Variants in SEMA5A observed in about 807,000 individuals in gnomAD.
The protein encoded by SEMA5A is semaphorin 5A, also known as semaphorin-5A.
SEMA5A carries 55 observed loss-of-function variants against 135.5 expected under a neutral mutation model. That is an observed-to-expected ratio of 0.41 (90% CI 0.33 to 0.51). The LOEUF is 0.51. Among genes scored for constraint, SEMA5A ranks in the 20% least tolerant of loss-of-function variants. SEMA5A has a pLI of 0.37. For missense variants in SEMA5A, 1,290 were observed against 1,419.9 expected (o/e 0.91, Z 1.47); for synonymous variants, 580 against 546.5 (o/e 1.06, Z -0.85).
At chr5:9,293,149 T>C (rs1751170235) in intron 5 of SEMA5A, among the ~76,000 whole-genome samples, 1 of 152,156 alleles carries the variant, frequency 6.6e-6, no homozygotes, top group Non-Finnish European at 1.5e-5. Context: ...CCATAAATCT[T>C]ATCTTGTCAA....
Position 9,272,556 on chromosome 5 carries a change from A to T in SEMA5A, c.271-34666T>A, listed in dbSNP as rs563865521. The stretch of plus-strand genomic sequence containing the variant: ...TTAAGTGGGTCCCTGATCCCGGTGT[A>T]TCGTGAATGTGAGACACCTCCCAGT... On this transcript the variant is annotated intron_variant, in intron 5 of 22. Coordinates refer to ENST00000382496, the MANE Select transcript of SEMA5A (RefSeq NM_003966.3). 2.0e-5 allele frequency among the ~76,000 whole-genome samples: 3 copies of T among 152,070 alleles called. No homozygotes were observed. In the South Asian group the frequency reaches 6.2e-4, roughly 32 times the overall value.
At chr5:9,355,779 A>C (rs1475891215) in intron 3 of SEMA5A, among the ~76,000 whole-genome samples, 2 of 152,008 alleles carry the variant, frequency 1.3e-5, no homozygotes, top group Non-Finnish European at 2.9e-5. Context: ...GAAAATGGCC[A>C]CTCATTACTG....
At chr5:9,229,912 C>G (rs1395352800) in intron 6 of SEMA5A, among the ~76,000 whole-genome samples, 1 of 152,140 alleles carries the variant, frequency 6.6e-6, no homozygotes, top group Non-Finnish European at 1.5e-5. Flanking sequence ...ACCAAGATAT[C>G]AAATATGGTG....
intron 5 of SEMA5A, among the ~76,000 whole-genome samples, chr5:9,273,492 C>T (rs968058052): frequency 1.4e-4 from 22 of 151,998 alleles, no homozygotes; most frequent in African/African-American, 4.8e-4. Context: ...CAGAGAACAC[C>T]ACAAAGATAC....
intron 6 of SEMA5A, among the ~76,000 whole-genome samples, chr5:9,233,798 T>A (rs562453141): frequency 1.1e-3 from 167 of 152,254 alleles, no homozygotes; most frequent in African/African-American, 3.9e-3. Flanking sequence ...GAACAGCAAG[T>A]GGGCACAGGC....
At chr5:9,273,781 G>C (rs926889213) in intron 5 of SEMA5A, among the ~76,000 whole-genome samples, 1 of 152,042 alleles carries the variant, frequency 6.6e-6, no homozygotes, top group Non-Finnish European at 1.5e-5. Context: ...TTACAGACAA[G>C]CAAATGCTGA....
At chr5:9,320,415 A>C (rs1483092285) in intron 4 of SEMA5A, among the ~76,000 whole-genome samples, 2 of 152,190 alleles carry the variant, frequency 1.3e-5, no homozygotes, top group African/African-American at 4.8e-5. Context: ...CTAGGACTCC[A>C]ACAGAAATGT....
intron 9 of SEMA5A, 124 bp downstream of exon 9, chr5:9,201,831 G>C: frequency 2.2e-6 from 2 of 919,204 alleles, no homozygotes; most frequent in African/African-American, 1.7e-5. Flanking sequence ...TTTTTTGTCT[G>C]TTAGCCCAGT....
intron 11 of SEMA5A, among the ~76,000 whole-genome samples, chr5:9,186,523 G>A (rs1213399454): frequency 2.0e-5 from 3 of 152,134 alleles, no homozygotes; most frequent in African/African-American, 7.2e-5. Context: ...CTGCAAGTAA[G>A]GTAGGAAGGA....
chr5:9,144,772 T>C (rs1742243070), intron 12 of SEMA5A, among the ~76,000 whole-genome samples: 1 of 152,192 alleles, frequency 6.6e-6, no homozygotes, highest in Non-Finnish European at 1.5e-5. Flanking sequence ...GATGAGGCCA[T>C]GCTGACATCA....
At chr5:9,063,875 A>G (rs949919443) in intron 17 of SEMA5A, among the ~76,000 whole-genome samples, 3 of 152,190 alleles carry the variant, frequency 2.0e-5, no homozygotes, top group African/African-American at 7.2e-5. Flanking sequence ...GAGCACTTTC[A>G]CTTGTTAAGT....
chr5:9,211,083 AG>A (rs1324170270), intron 8 of SEMA5A, among the ~76,000 whole-genome samples: 1 of 152,210 alleles, frequency 6.6e-6, no homozygotes, highest in Non-Finnish European at 1.5e-5. Flanking sequence ...ATATTAGAAA[AG>A]GGCATCTCAT....
intron 8 of SEMA5A, among the ~76,000 whole-genome samples, chr5:9,214,900 T>C (rs548487865): frequency 3.9e-5 from 6 of 152,202 alleles, no homozygotes; most frequent in Admixed American, 6.5e-5. Context: ...AGTTTTAGCA[T>C]TGTTCAACTC....
intron 8 of SEMA5A, among the ~76,000 whole-genome samples, chr5:9,213,252 C>G (rs1240795344): frequency 1.3e-5 from 2 of 152,232 alleles, no homozygotes; most frequent in African/African-American, 4.8e-5. Flanking sequence ...CACCATTTAA[C>G]TCATTAATTA....
intron 5 of SEMA5A, among the ~76,000 whole-genome samples, chr5:9,297,434 A>G (rs961187580): frequency 1.3e-5 from 2 of 152,202 alleles, no homozygotes; most frequent in Non-Finnish European, 2.9e-5. Flanking sequence ...AAAAGGAATC[A>G]GAGAACTCAG....
chr5:9,386,127 T>C (rs926718239), intron 2 of SEMA5A, among the ~76,000 whole-genome samples: 1 of 152,180 alleles, frequency 6.6e-6, no homozygotes, highest in Non-Finnish European at 1.5e-5. Flanking sequence ...TGTTTGTTTT[T>C]GCATTTGTTC....
rs559333377 is a variant in SEMA5A at position 9,533,515 on chromosome 5, A to T, written c.-175+12069T>A. Among the ~76,000 whole-genome samples, 76 of 152,364 alleles carry T rather than the reference A, an allele frequency of 5.0e-4. 1 individual carries two copies. The highest frequency in any genetic ancestry group is 1.8e-3 in the African/African-American group (75 of 41,582). ...TATAAAATATTCATCTAAAATATTC[A>T]GTATGAAACAATTGATACTATTTTC... On this transcript the variant is annotated intron_variant, in intron 1 of 22. Transcript: ENST00000382496.
chr5:9,381,244 C>T (rs1466562553), intron 2 of SEMA5A, among the ~76,000 whole-genome samples: 5 of 152,100 alleles, frequency 3.3e-5, no homozygotes, highest in Non-Finnish European at 5.9e-5. Flanking sequence ...CAGTTTGAAG[C>T]CATTACAATT....
intron 5 of SEMA5A, among the ~76,000 whole-genome samples, chr5:9,293,969 T>C (rs866555979): frequency 5.9e-5 from 9 of 152,208 alleles, no homozygotes; most frequent in Middle Eastern, 3.2e-3. Context: ...GTCCATACAG[T>C]TATTCTCCAT....
Sources: allele counts gnomAD v4.1 joint callset (sites outside exome capture counted in the v4.1 genomes callset), GRCh38; gene constraint gnomAD v4.1.1; transcripts MANE v1.5; gene names NCBI Gene and HGNC (gene_info 2026-07-23, HGNC 2026-07-21).